Variants in LRMDA observed in about 807,000 individuals in gnomAD.
LRMDA encodes the protein leucine-rich melanocyte differentiation-associated protein.
In LRMDA, 18 loss-of-function variants were observed where a neutral mutation model predicts 29.8. The observed-to-expected ratio is 0.60, with a 90% confidence interval of 0.42 to 0.90. LRMDA has a LOEUF of 0.90. Among genes scored for constraint, LRMDA ranks in the 40% least tolerant of loss-of-function variants. The pLI is 0.00. For synonymous variants in LRMDA, 125 were observed against 109.4 expected (o/e 1.14, Z -0.89); for missense variants, 273 against 273.9 (o/e 1.00, Z 0.02).
intron 2 of LRMDA, among the ~76,000 whole-genome samples, chr10:75,915,707 CA>C (rs1845921827): frequency 6.6e-6 from 1 of 152,174 alleles, no homozygotes; most frequent in South Asian, 2.1e-4. Flanking sequence ...TATTTAGATT[CA>C]GGGGGCAGTT....
At chr10:75,628,683 C>A (rs9416091) in intron 2 of LRMDA, among the ~76,000 whole-genome samples, 1 of 152,008 alleles carries the variant, frequency 6.6e-6, no homozygotes, top group Non-Finnish European at 1.5e-5. Flanking sequence ...TGCTTGTGCT[C>A]CCTTCTGCAA....
intron 5 of LRMDA, among the ~76,000 whole-genome samples, chr10:76,132,437 A>G (rs1169226404): frequency 6.6e-6 from 1 of 152,222 alleles, no homozygotes; most frequent in Non-Finnish European, 1.5e-5. Context: ...TCCATCAAGC[A>G]GAACATTTTT....
intron 2 of LRMDA, among the ~76,000 whole-genome samples, chr10:76,003,943 T>A (rs1406911111): frequency 6.6e-6 from 1 of 152,218 alleles, no homozygotes; most frequent in African/African-American, 2.4e-5. Flanking sequence ...GCCAGAGTTC[T>A]CTAGCCCAGG....
At chr10:76,139,303 A>G (rs1850154689) in intron 5 of LRMDA, among the ~76,000 whole-genome samples, 1 of 152,204 alleles carries the variant, frequency 6.6e-6, no homozygotes. Context: ...GACCCTTCTC[A>G]TTTATTATAT....
intron 6 of LRMDA, among the ~76,000 whole-genome samples, chr10:76,351,066 T>C (rs1251619558): frequency 6.6e-6 from 1 of 151,916 alleles, no homozygotes; most frequent in Non-Finnish European, 1.5e-5. Flanking sequence ...GAAAGAATCA[T>C]AAAAAAATAC....
chr10:76,056,486 C>T (rs540867472), intron 4 of LRMDA, among the ~76,000 whole-genome samples: 5 of 152,190 alleles, frequency 3.3e-5, no homozygotes, highest in Non-Finnish European at 5.9e-5. Context: ...CTATAGTGCC[C>T]ATGGTGCCCA....
intron 2 of LRMDA, among the ~76,000 whole-genome samples, chr10:75,872,257 G>C (rs963264077): frequency 1.1e-4 from 17 of 151,960 alleles, no homozygotes; most frequent in African/African-American, 3.9e-4. Context: ...TATGTTTCCA[G>C]ACATTCTGGG....
intron 2 of LRMDA, among the ~76,000 whole-genome samples, chr10:75,562,314 T>C (rs1237968676): frequency 6.6e-6 from 1 of 152,128 alleles, no homozygotes; most frequent in African/African-American, 2.4e-5. Context: ...TTGATCTTTG[T>C]TGGTTTAAAA....
At chr10:75,765,973 A>T (rs985677137) in intron 2 of LRMDA, among the ~76,000 whole-genome samples, 4 of 152,136 alleles carry the variant, frequency 2.6e-5, no homozygotes, top group African/African-American at 7.2e-5. Flanking sequence ...AGAATCCGTT[A>T]TGTGAGGCTG....
chr10:75,825,087 G>A (rs983656178), intron 2 of LRMDA, among the ~76,000 whole-genome samples: 3 of 152,174 alleles, frequency 2.0e-5, no homozygotes, highest in African/African-American at 4.8e-5. Flanking sequence ...AGGAGATGTG[G>A]AACACAGGAT....
intron 6 of LRMDA, among the ~76,000 whole-genome samples, chr10:76,408,935 C>G (rs530184718): frequency 6.6e-6 from 1 of 152,084 alleles, no homozygotes; most frequent in African/African-American, 2.4e-5. Flanking sequence ...TATTGTGGTA[C>G]AAGGCATTTA....
intron 5 of LRMDA, among the ~76,000 whole-genome samples, chr10:76,210,789 C>T (rs2132245113): frequency 6.6e-6 from 1 of 152,264 alleles, no homozygotes; most frequent in South Asian, 2.1e-4. Flanking sequence ...GGAGATTAGA[C>T]CTTAATGGTT....
chr10:76,551,383 G>A (rs187286898), intron 6 of LRMDA, among the ~76,000 whole-genome samples: 1 of 152,238 alleles, frequency 6.6e-6, no homozygotes, highest in African/African-American at 2.4e-5. Flanking sequence ...CTTACTTTGT[G>A]GATTCTGTGT....
intron 6 of LRMDA, among the ~76,000 whole-genome samples, chr10:76,327,257 A>G (rs1840846975): frequency 6.6e-6 from 1 of 151,814 alleles, no homozygotes; most frequent in South Asian, 2.1e-4. Flanking sequence ...ATGCCTGGCT[A>G]ATTTTTTGTA....
At chr10:76,159,064 C>G (rs1244768752) in intron 5 of LRMDA, among the ~76,000 whole-genome samples, 1 of 152,112 alleles carries the variant, frequency 6.6e-6, no homozygotes, top group East Asian at 1.9e-4. Context: ...ATTATCAAAA[C>G]AATGTTATTT....
intron 5 of LRMDA, among the ~76,000 whole-genome samples, chr10:76,312,104 A>C (rs1040904768): frequency 2.0e-5 from 3 of 152,244 alleles, no homozygotes; most frequent in Non-Finnish European, 2.9e-5. Flanking sequence ...TAATGCTAAA[A>C]ATTTATGGCT....
chr10:76,066,809 G>A (rs1441586382), intron 5 of LRMDA, among the ~76,000 whole-genome samples: 3 of 152,254 alleles, frequency 2.0e-5, no homozygotes, highest in Admixed American at 1.3e-4. Flanking sequence ...TCCCCTGAGG[G>A]TGAGGAGGAA....
At chr10:75,659,085 T>C (rs1403639268) in intron 2 of LRMDA, among the ~76,000 whole-genome samples, 3 of 152,204 alleles carry the variant, frequency 2.0e-5, no homozygotes, top group Non-Finnish European at 2.9e-5. Context: ...GACCTGGCTC[T>C]TTGCTGAGGC....
intron 2 of LRMDA, among the ~76,000 whole-genome samples, chr10:75,517,978 C>T (rs562252138): frequency 1.3e-5 from 2 of 152,170 alleles, no homozygotes; most frequent in East Asian, 3.9e-4. Flanking sequence ...GTCTTTGGTT[C>T]TGTTTATGTG....
Sources: gnomAD v4.1 joint callset for allele counts (sites outside exome capture counted in the v4.1 genomes callset) on GRCh38, gnomAD v4.1.1 for gene constraint, MANE v1.5 for transcripts, NCBI Gene and HGNC (gene_info 2026-07-23, HGNC 2026-07-21) for gene names.